Variants in SDK2 observed in about 807,000 individuals in gnomAD.
SDK2 encodes the protein sidekick cell adhesion molecule 2.
SDK2 carries 105 observed loss-of-function variants against 253.9 expected under a neutral mutation model. The observed-to-expected ratio is 0.41, with a 90% CI of 0.35 to 0.49. SDK2 has a LOEUF of 0.49. Among genes scored for constraint, SDK2 ranks in the 20% least tolerant of loss-of-function variants. The pLI is 0.06. For missense variants in SDK2, 2,608 were observed against 3,003.0 expected (o/e 0.87, Z 3.07); for synonymous variants, 1,249 against 1,234.9 (o/e 1.01, Z -0.24).
chr17:73,356,528 G>A (rs1215639837), intron 40 of SDK2, among the ~76,000 whole-genome samples: 2 of 152,188 alleles, frequency 1.3e-5, no homozygotes, highest in Non-Finnish European at 2.9e-5. Flanking sequence ...CGAAGCACAA[G>A]CAATTCAAGG....
chr17:73,438,220 AG>A lies in SDK2; in HGVS notation c.726-67del. The A allele has an allele frequency of 2.8e-6, 4 of 1,449,704 alleles. No individual in the cohort carries two copies. The South Asian group carries it at 4.0e-5, about 14-fold the overall frequency. The allele number at this position is 1,449,704 out of a possible 1,614,324, so 89.8% of individuals were successfully genotyped here. On this transcript the variant is annotated intron_variant, in intron 6 of 44. Coordinates refer to ENST00000392650, the MANE Select transcript of SDK2 (RefSeq NM_001144952.2). ...CTCCCAGAGGCCTGAGAGGCAGGGC[AG>A]GGGGTGGTAAGGAGTGTGGGCTTGG...
rs1388091890 is a variant in SDK2 at position 73,483,661 on chromosome 17, G to GTGTGTGTGTGTGTGTA, written c.225-11444_225-11443insTACACACACACACACA. Reference sequence around the variant, plus strand: ...TATATATGTGTGTGTGTGTGTGTGTGTATATATATATATATATATATTTAT... The same window carrying GTGTGTGTGTGTGTGTA: ...TATATATGTGTGTGTGTGTGTGTGTGTGTGTGTGTGTGTGTATATATATATATATATATATATTTAT... On this transcript the variant is annotated intron_variant, in intron 2 of 44. Transcript: ENST00000392650. 5.0e-4 allele frequency among the ~76,000 whole-genome samples: 35 copies of GTGTGTGTGTGTGTGTA among 70,166 alleles called. 2 individuals are homozygous for GTGTGTGTGTGTGTGTA. Among genetic ancestry groups the GTGTGTGTGTGTGTGTA allele is most frequent in the Admixed American group, 6.2e-4 (3 of 4,846 alleles). 46.0% of individuals were successfully genotyped at this position (70,166 alleles called of 152,430 possible). A position where few individuals can be genotyped will look rare whatever the true frequency, so the allele number is the denominator to read the frequency against.
At position 73,423,973 on chromosome 17, in the gene SDK2, G is replaced by T. The variant is rs568863596; in HGVS notation, c.1703C>A (p.Thr568Asn). The T allele has an allele frequency of 8.1e-6, 13 of 1,607,704 alleles. 1 individual carries two copies. In the South Asian group the frequency reaches 1.1e-4, roughly 14 times the overall value. The change falls in exon 13 of 45, where the codon ACC becomes AAC. Residue 568 changes from threonine (T) to asparagine (N), a missense_variant. By Grantham distance (65) the Thr-to-Asn change is moderately conservative (BLOSUM62 0). Around this residue, in one of 2 missense-constraint regions of SDK2, gnomAD observed 1,505 missense variants for 1,859.1 expected, o/e 0.81. Transcript: ENST00000392650. Reference sequence around the variant, plus strand: ...GCCTCCTGCTGAGATCACCCGGCAGGTGTACGTGCCGATGTCTCCCGACCA... The same window carrying T: ...GCCTCCTGCTGAGATCACCCGGCAGTTGTACGTGCCGATGTCTCCCGACCA... ...QTWSGDIGTY[T>N]CRVISAGGND...
chr17:73,405,504 ATAT>A (rs2063068078), intron 18 of SDK2, among the ~76,000 whole-genome samples: 1 of 88,800 alleles, frequency 1.1e-5, no homozygotes, highest in African/African-American at 4.2e-5. Flanking sequence ...ATATATATAT[ATAT>A]ATATATATAT....
Position 73,401,153 on chromosome 17 carries a change from C to G in SDK2, c.2838G>C (p.Leu946=). 1 of 1,560,062 alleles carries G rather than the reference C, an allele frequency of 6.4e-7. No individual in the cohort carries two copies. The highest frequency in any genetic ancestry group is 1.7e-4 in the Middle Eastern group (1 of 6,004). Residue 946 remains leucine, a synonymous_variant, in exon 21 of 45, where the codon CTG becomes CTC. Transcript: ENST00000392650. ...CACGGTACTCCAGGGTCACGTTGGG[C>G]AGGTAGTGGGTCACACGGGTGTTGG... ...NRTNTRVTHY[L]PNVTLEYRVT...
At chr17:73,580,583 A>G (rs1428340422) in intron 1 of SDK2, among the ~76,000 whole-genome samples, 1 of 152,250 alleles carries the variant, frequency 6.6e-6, no homozygotes, top group Non-Finnish European at 1.5e-5. Context: ...GCTTGGTTTA[A>G]TGTTTTGCTG....
In SDK2 at chr17:73,612,565, C is replaced by A. The variant is rs2045990257; in HGVS notation, c.64+31460G>T. Among the ~76,000 whole-genome samples the A allele has an allele frequency of 6.6e-6, 1 of 152,132 alleles. No homozygotes were observed. Among genetic ancestry groups the A allele is most frequent in the Non-Finnish European group, 1.5e-5 (1 of 68,022 alleles). On this transcript the variant is annotated intron_variant, in intron 1 of 44. Coordinates refer to ENST00000392650, the MANE Select transcript of SDK2 (RefSeq NM_001144952.2). The surrounding 1 kb of genome is among the most constrained non-coding windows in gnomAD (Gnocchi z 4.4). Reference sequence around the variant, plus strand: ...GGGTCCCGGCTTCCCCATTCTGACCCCTTCAGAACTTGGGGGCGGTGGCAA... The same window carrying A: ...GGGTCCCGGCTTCCCCATTCTGACCACTTCAGAACTTGGGGGCGGTGGCAA...
rs2063384270 is a variant in SDK2 at position 73,438,059 on chromosome 17, G to A, written c.821C>T (p.Pro274Leu). 6.4e-7 allele frequency: 1 copy of A among 1,551,610 alleles called. No homozygotes were observed. Among genetic ancestry groups the A allele is most frequent in the African/African-American group, 1.4e-5 (1 of 73,072 alleles). Residue 274 changes from proline to leucine, a missense_variant, in exon 7 of 45, where the codon CCC becomes CTC. Pro to Leu is a moderately conservative substitution (Grantham distance 98, BLOSUM62 -3). This residue lies in a region of SDK2 where 1,505 missense variants were observed against 1,859.1 expected (regional missense o/e 0.81). Coordinates refer to ENST00000392650, the MANE Select transcript of SDK2 (RefSeq NM_001144952.2). ...DHNRRLTIPN[P>L]TGSDAGYYEC... ...GTAGTAGCCGGCGTCACTGCCGGTGGGGTTGGGGATGGTGAGCCGGCGGTT... is the reference window on the plus strand; with the variant it reads ...GTAGTAGCCGGCGTCACTGCCGGTGAGGTTGGGGATGGTGAGCCGGCGGTT...
In SDK2 at chr17:73,338,553, G is replaced by T; in HGVS notation, c.*34C>A. The T allele has an allele frequency of 7.7e-7, 1 of 1,302,512 alleles. No homozygotes were observed. The highest frequency in any genetic ancestry group is 1.0e-6 in the Non-Finnish European group (1 of 953,802). 80.7% of individuals were successfully genotyped at this position (1,302,512 alleles called of 1,614,324 possible). ...AGGAGGGGTGAAGGAGGAGTTTGGT[G>T]CCATTTCTCTTTCTGCTTTTTCCTC... On this transcript the variant is annotated 3_prime_UTR_variant, in exon 45 of 45. Coordinates refer to ENST00000392650, the MANE Select transcript of SDK2 (RefSeq NM_001144952.2). The surrounding 1 kb of genome is among the most constrained non-coding windows in gnomAD (Gnocchi z 5.0).
chr17:73,440,471 C>G (rs958639895), intron 6 of SDK2, among the ~76,000 whole-genome samples: 13 of 152,168 alleles, frequency 8.5e-5, no homozygotes, highest in African/African-American at 2.9e-4. Flanking sequence ...ACCCTGCATG[C>G]AAGAGGGCTC....
chr17:73,526,979 G>T (rs1326279933), intron 1 of SDK2, among the ~76,000 whole-genome samples: 6 of 152,246 alleles, frequency 3.9e-5, no homozygotes, highest in African/African-American at 7.2e-5. Flanking sequence ...GTGTAGACAT[G>T]GCCCTGCCTG....
At chr17:73,606,710 A>G (rs560895610) in intron 1 of SDK2, among the ~76,000 whole-genome samples, 1 of 152,280 alleles carries the variant, frequency 6.6e-6, no homozygotes, top group South Asian at 2.1e-4. Context: ...CTATCCATGG[A>G]GAAAAAGCCA....
chr17:73,421,266 C>T (rs1465288887), intron 15 of SDK2, among the ~76,000 whole-genome samples: 2 of 110,564 alleles, frequency 1.8e-5, no homozygotes, highest in African/African-American at 5.3e-5. Context: ...ACTGCTCCCT[C>T]CCGTGAGATT....
intron 18 of SDK2, among the ~76,000 whole-genome samples, chr17:73,408,052 T>C (rs979185251): frequency 1.0e-4 from 11 of 107,720 alleles, no homozygotes; most frequent in Non-Finnish European, 1.1e-4. Context: ...ATTTCCTTTT[T>C]TTTTTTTTTT....
chr17:73,379,140 T>C lies in SDK2; in HGVS notation c.4980+37A>G, dbSNP rs772928262. ...CCCCAGCCTCCGACCTGGCTTCTCA[T>C]CCGTGCACCCCTTTGCTCTGCCCGA... On this transcript the variant is annotated intron_variant, in intron 36 of 44. Transcript: ENST00000392650. This position sits in a 1 kb window ranked among gnomAD's most constrained non-coding sequence, Gnocchi z 4.5. The C allele has an allele frequency of 2.0e-6, 3 of 1,479,944 alleles. No individual in the cohort carries two copies. The South Asian group carries it at 3.6e-5, about 18-fold the overall frequency. The allele number at this position is 1,479,944 out of a possible 1,614,324, so 91.7% of individuals were successfully genotyped here.
At chr17:73,580,773 C>A (rs1055627318) in intron 1 of SDK2, among the ~76,000 whole-genome samples, 1 of 151,768 alleles carries the variant, frequency 6.6e-6, no homozygotes, top group East Asian at 1.9e-4. Flanking sequence ...TTTGGATTTG[C>A]GATTTTTTTC....
intron 44 of SDK2, among the ~76,000 whole-genome samples, chr17:73,341,396 G>T (rs1257272753): frequency 6.6e-6 from 1 of 151,892 alleles, no homozygotes; most frequent in Non-Finnish European, 1.5e-5. Context: ...TCCCAGCAAT[G>T]TTTTGAGAGC....
At position 73,496,383 on chromosome 17, in the gene SDK2, T is replaced by C. The variant is rs1168577791; in HGVS notation, c.224+11055A>G. On this transcript the variant is annotated intron_variant, in intron 2 of 44. Transcript: ENST00000392650. This position sits in a 1 kb window ranked among gnomAD's most constrained non-coding sequence, Gnocchi z 4.7. The stretch of plus-strand genomic sequence containing the variant: ...CACAAGGTGGGATGCTGGGGCTGGA[T>C]CTGGGAAGATAAACAACGGTTTGCC... Among the ~76,000 whole-genome samples, 1 of 152,092 alleles carries C rather than the reference T, an allele frequency of 6.6e-6. No individual in the cohort carries two copies.
At chr17:73,362,784 G>A (rs2062652177) in intron 38 of SDK2, among the ~76,000 whole-genome samples, 1 of 152,152 alleles carries the variant, frequency 6.6e-6, no homozygotes, top group Non-Finnish European at 1.5e-5. Context: ...GGAGGTGGGG[G>A]TTTGCACTCT....
Sources: gnomAD v4.1 joint callset for allele counts (sites outside exome capture counted in the v4.1 genomes callset) on GRCh38, gnomAD v4.1.1 for gene constraint, gnomAD v4.1.1 regional missense constraint, Gnocchi (gnomAD v3.1) non-coding constraint, MANE v1.5 for transcripts, NCBI Gene and HGNC (gene_info 2026-07-23, HGNC 2026-07-21) for gene names.